Variants in SORCS3 observed in about 807,000 individuals in gnomAD.
The protein encoded by SORCS3 is VPS10 domain-containing receptor SorCS3.
A neutral mutation model predicts 146.3 loss-of-function variants in SORCS3; 57 were observed. The observed-to-expected ratio is 0.39, with a 90% CI of 0.31 to 0.49. The LOEUF (loss-of-function observed/expected upper bound fraction) is 0.49. SORCS3 is among the 20% of genes least tolerant of loss of function. The pLI is 0.92. For missense variants in SORCS3, 1,341 were observed against 1,575.5 expected, an observed-to-expected ratio of 0.85 and a Z score of 2.52; for synonymous variants, 653 against 618.5, an observed-to-expected ratio of 1.06 and a Z score of -0.83.
intron 5 of SORCS3, among the ~76,000 whole-genome samples, chr10:105,088,562 C>A (rs936184529): frequency 4.6e-5 from 7 of 152,076 alleles, no homozygotes; most frequent in Non-Finnish European, 1.0e-4. Context: ...TTTAGTTTTT[C>A]TAAAACATAC....
intron 3 of SORCS3, 92 bp from the exon 4 acceptor site, chr10:104,977,243 A>T (rs1317302892): frequency 2.8e-6 from 3 of 1,073,306 alleles, no homozygotes; most frequent in Non-Finnish European, 3.9e-6. Flanking sequence ...GCTATGGTGT[A>T]CAAATACAGA....
chr10:104,756,472 CAA>C (rs1483099517), intron 1 of SORCS3, among the ~76,000 whole-genome samples: 1 of 152,112 alleles, frequency 6.6e-6, no homozygotes, highest in East Asian at 1.9e-4. Flanking sequence ...ATGGAGAGCT[CAA>C]AGAGTTCAGC....
At chr10:104,863,291 C>T (rs892228053) in intron 2 of SORCS3, among the ~76,000 whole-genome samples, 10 of 152,284 alleles carry the variant, frequency 6.6e-5, no homozygotes, top group Admixed American at 2.0e-4. Flanking sequence ...GAACACATGC[C>T]TCTATGGAGC....
intron 22 of SORCS3, 98 bp downstream of exon 22, chr10:105,247,429 A>ATG: frequency 1.6e-6 from 1 of 618,722 alleles, no homozygotes; most frequent in Non-Finnish European, 2.8e-6. Context: ...ACTGCATTCC[A>ATG]CAGTTAAAGA....
At chr10:104,698,138 T>C (rs1376430724) in intron 1 of SORCS3, among the ~76,000 whole-genome samples, 3 of 152,200 alleles carry the variant, frequency 2.0e-5, no homozygotes, top group African/African-American at 4.8e-5. Flanking sequence ...AGCATTCTTA[T>C]TTTTTCAAAG....
At chr10:104,721,585 G>A (rs1488357899) in intron 1 of SORCS3, among the ~76,000 whole-genome samples, 1 of 152,006 alleles carries the variant, frequency 6.6e-6, no homozygotes. Context: ...CCATTTTCAC[G>A]ATATTGATTC....
intron 1 of SORCS3, among the ~76,000 whole-genome samples, chr10:104,696,452 TATAG>T: frequency 1.1e-5 from 1 of 90,748 alleles, no homozygotes; most frequent in African/African-American, 4.4e-5. Flanking sequence ...ATATATAGAA[TATAG>T]AATATATAAT....
chr10:104,914,065 G>T (rs889221889), intron 2 of SORCS3, among the ~76,000 whole-genome samples: 1 of 151,998 alleles, frequency 6.6e-6, no homozygotes. Flanking sequence ...CACCACACCC[G>T]GAATCTTCAT....
At chr10:104,841,313 T>C (rs1349521714) in intron 1 of SORCS3, among the ~76,000 whole-genome samples, 1 of 152,116 alleles carries the variant, frequency 6.6e-6, no homozygotes, top group East Asian at 1.9e-4. Context: ...AGTCTACTGT[T>C]CTACAAATAG....
chr10:104,692,932 C>G (rs1227903212), intron 1 of SORCS3, among the ~76,000 whole-genome samples: 1 of 152,206 alleles, frequency 6.6e-6, no homozygotes, highest in Non-Finnish European at 1.5e-5. Flanking sequence ...GCCCAAAGAT[C>G]TGATTCAGCA....
At chr10:104,651,642 G>T (rs1243573272) in intron 1 of SORCS3, among the ~76,000 whole-genome samples, 1 of 151,992 alleles carries the variant, frequency 6.6e-6, no homozygotes, top group Non-Finnish European at 1.5e-5. Flanking sequence ...GGAGGCAGGG[G>T]TTGCAGTGAG....
chr10:105,179,909 G>A (rs2056432620), intron 14 of SORCS3, among the ~76,000 whole-genome samples: 1 of 152,172 alleles, frequency 6.6e-6, no homozygotes. Context: ...TATTAATAAA[G>A]TAGGTCATTC....
At chr10:104,698,177 C>A (rs1161345722) in intron 1 of SORCS3, among the ~76,000 whole-genome samples, 1 of 152,042 alleles carries the variant, frequency 6.6e-6, no homozygotes, top group African/African-American at 2.4e-5. Context: ...GTATTGCATT[C>A]TTGTGAAGTA....
intron 1 of SORCS3, among the ~76,000 whole-genome samples, chr10:104,687,788 C>G (rs2016063211): frequency 1.3e-5 from 2 of 152,130 alleles, no homozygotes; most frequent in Admixed American, 6.5e-5. Flanking sequence ...CAGTCTCAGT[C>G]CCTGCTTCCT....
chr10:105,164,483 T>C, intron 12 of SORCS3, 104 bp downstream of exon 12: 1 of 886,178 alleles, frequency 1.1e-6, no homozygotes, highest in Non-Finnish European at 1.8e-6. Flanking sequence ...CTTTGTAATT[T>C]CAAAACATTT....
rs575723226 is a variant in SORCS3 at position 104,941,956 on chromosome 10, GA to G, written c.795+26031del. ...TAGCCTGATGAGTCTGGAGTATTGA[GA>G]AAAAAAGACACAATTTAATGTCTTA... is the stretch of plus-strand genomic sequence containing the variant. On this transcript the variant is annotated intron_variant, in intron 3 of 26. Coordinates refer to ENST00000369701, the MANE Select transcript of SORCS3 (RefSeq NM_014978.3). Among the ~76,000 whole-genome samples the G allele has an allele frequency of 1.2e-4, 19 of 152,204 alleles. No homozygotes were observed. The South Asian group carries it at 3.3e-3, about 27-fold the overall frequency.
chr10:105,247,095 A>G, intron 21 of SORCS3, 124 bp from the exon 22 acceptor site: 1 of 469,888 alleles, frequency 2.1e-6, no homozygotes, highest in East Asian at 3.3e-5. Flanking sequence ...AAGGAATTCT[A>G]GCAGAAGCCT....
chr10:105,189,788 A>G (rs1052500758), intron 14 of SORCS3, among the ~76,000 whole-genome samples: 4 of 152,178 alleles, frequency 2.6e-5, no homozygotes, highest in African/African-American at 9.6e-5. Context: ...AAGCTCATCC[A>G]TAAAGACCCC....
Position 104,977,335 on chromosome 10 carries a change from A to T in SORCS3, c.796A>T (p.Ile266Phe), listed in dbSNP as rs748223214. The T allele has an allele frequency of 3.7e-6, 6 of 1,610,152 alleles. No individual in the cohort carries two copies. The South Asian group carries it at 5.5e-5, about 15-fold the overall frequency. The change falls in exon 4 of 27, where the codon ATT becomes TTT. Residue 266 changes from isoleucine to phenylalanine, a missense_variant and splice_region_variant. Transcript: ENST00000369701. Reference sequence around the variant, plus strand: ...ATATGTCCCTCTATCCTTTCTTTAGATTATGCTTCTCAGTGATCCTGAGAT... The same window carrying T: ...ATATGTCCCTCTATCCTTTCTTTAGTTTATGCTTCTCAGTGATCCTGAGAT... Reference protein sequence around the residue: ...LYVNPTNKRKIMLLSDPEMES... With the variant: ...LYVNPTNKRKFMLLSDPEMES...
Sources: gnomAD v4.1 joint callset for allele counts (sites outside exome capture counted in the v4.1 genomes callset) on GRCh38, gnomAD v4.1.1 for gene constraint, MANE v1.5 for transcripts, NCBI Gene and HGNC (gene_info 2026-07-23, HGNC 2026-07-21) for gene names.